The following SGCZ variants were observed in gnomAD, a reference collection of about 807,000 sequenced individuals.
SGCZ encodes the protein sarcoglycan zeta.
In SGCZ, 40 loss-of-function variants were observed where a neutral mutation model predicts 41.3. The ratio of observed to expected loss-of-function variants is 0.97; its 90% CI spans 0.75 to 1.26. The LOEUF (loss-of-function observed/expected upper bound fraction) is 1.26. SGCZ is among the 50% of genes most tolerant of loss of function. SGCZ has a pLI of 0.00. For missense variants in SGCZ, 552 were observed against 369.8 expected, an observed-to-expected ratio of 1.49 and a Z score of -4.04; for synonymous variants, 206 against 137.5, an observed-to-expected ratio of 1.50 and a Z score of -3.49.
intron 2 of SGCZ, among the ~76,000 whole-genome samples, chr8:14,396,135 T>G (rs1012120181): frequency 1.3e-5 from 2 of 152,170 alleles, no homozygotes; most frequent in Non-Finnish European, 2.9e-5. Flanking sequence ...TCATACCTTG[T>G]CAGTATTCTA....
At chr8:14,588,819 T>C (rs952277005) in intron 1 of SGCZ, among the ~76,000 whole-genome samples, 5 of 152,170 alleles carry the variant, frequency 3.3e-5, no homozygotes, top group Admixed American at 3.3e-4. Context: ...TTTAGAATGT[T>C]ATCAATTAAA....
intron 1 of SGCZ, among the ~76,000 whole-genome samples, chr8:14,658,135 C>T (rs538307146): frequency 1.3e-5 from 2 of 152,156 alleles, no homozygotes; most frequent in African/African-American, 4.8e-5. Flanking sequence ...GCCCCACGCT[C>T]CTCCTCTCAG....
At chr8:14,692,050 C>T (rs1007586514) in intron 1 of SGCZ, among the ~76,000 whole-genome samples, 1 of 151,686 alleles carries the variant, frequency 6.6e-6, no homozygotes. Flanking sequence ...TTTTAAATTT[C>T]TCAAGAATGT....
chr8:14,443,182 T>A (rs902274959), intron 2 of SGCZ, among the ~76,000 whole-genome samples: 5 of 152,098 alleles, frequency 3.3e-5, no homozygotes, highest in African/African-American at 4.8e-5. Context: ...AATGGAAGAA[T>A]ATTCCATGCT....
intron 1 of SGCZ, among the ~76,000 whole-genome samples, chr8:14,963,617 G>C (rs1019922324): frequency 1.3e-5 from 2 of 152,164 alleles, no homozygotes; most frequent in East Asian, 3.8e-4. Context: ...CAAAGTGCTA[G>C]GATTACGGGT....
chr8:15,131,942 T>C (rs1267279616), intron 1 of SGCZ, among the ~76,000 whole-genome samples: 2 of 152,216 alleles, frequency 1.3e-5, no homozygotes, highest in South Asian at 2.1e-4. Context: ...GAAATGAATG[T>C]TTGCATGATA....
rs189951348 is a variant in SGCZ at position 15,168,046 on chromosome 8, C to T, written c.39+69539G>A. On this transcript the variant is annotated intron_variant, in intron 1 of 7. Transcript: ENST00000382080. The stretch of plus-strand genomic sequence containing the variant: ...CAGCATAACTATAGCCACCAGCTAT[C>T]TGGGTATGTCACAAGACATCCTTTC... Among the ~76,000 whole-genome samples the T allele has an allele frequency of 5.0e-4, 76 of 152,320 alleles. No individual in the cohort carries two copies. In the East Asian group the frequency reaches 0.014, roughly 28 times the overall value.
intron 2 of SGCZ, among the ~76,000 whole-genome samples, chr8:14,446,136 G>C (rs942781258): frequency 2.6e-5 from 4 of 152,144 alleles, no homozygotes; most frequent in Non-Finnish European, 5.9e-5. Flanking sequence ...GGGAGAAAAA[G>C]CACTCAGGCA....
chr8:15,216,670 T>C (rs1205536695), intron 1 of SGCZ, among the ~76,000 whole-genome samples: 2 of 152,158 alleles, frequency 1.3e-5, no homozygotes, highest in Non-Finnish European at 2.9e-5. Flanking sequence ...GAAAGCATCT[T>C]GTTACTTTAT....
chr8:14,726,729 T>C (rs940889418), intron 1 of SGCZ, among the ~76,000 whole-genome samples: 9 of 152,052 alleles, frequency 5.9e-5, no homozygotes, highest in African/African-American at 2.2e-4. Flanking sequence ...TGAATGAACA[T>C]ACAAACCTGC....
chr8:14,783,423 G>C (rs1171105145), intron 1 of SGCZ, among the ~76,000 whole-genome samples: 2 of 146,234 alleles, frequency 1.4e-5, no homozygotes, highest in African/African-American at 5.1e-5. Context: ...GACAGAAAGA[G>C]ATTTTGTCTC....
chr8:15,059,097 A>C (rs1274036190), intron 1 of SGCZ, among the ~76,000 whole-genome samples: 3 of 152,118 alleles, frequency 2.0e-5, no homozygotes, highest in East Asian at 1.9e-4. Context: ...AAAATGTCTA[A>C]AGTTGTTACG....
At chr8:14,867,984 C>T (rs1001194512) in intron 1 of SGCZ, among the ~76,000 whole-genome samples, 1 of 151,180 alleles carries the variant, frequency 6.6e-6, no homozygotes. Flanking sequence ...TTCTATATAA[C>T]ATGCAAAATT....
intron 1 of SGCZ, among the ~76,000 whole-genome samples, chr8:14,668,339 T>C (rs972870021): frequency 6.6e-6 from 1 of 151,356 alleles, no homozygotes; most frequent in Non-Finnish European, 1.5e-5. Flanking sequence ...CTTGAATATA[T>C]GGTTTTTTCA....
At chr8:14,433,701 C>G (rs1236040111) in intron 2 of SGCZ, among the ~76,000 whole-genome samples, 1 of 152,110 alleles carries the variant, frequency 6.6e-6, no homozygotes, top group Admixed American at 6.5e-5. Context: ...CATAAACACG[C>G]TCTCTGAGGG....
chr8:14,701,528 T>G (rs1370425469), intron 1 of SGCZ, among the ~76,000 whole-genome samples: 1 of 151,976 alleles, frequency 6.6e-6, no homozygotes, highest in African/African-American at 2.4e-5. Flanking sequence ...CAGCAATCAC[T>G]TTAAATTTAA....
At chr8:14,348,090 A>C (rs900972895) in intron 2 of SGCZ, among the ~76,000 whole-genome samples, 2 of 151,944 alleles carry the variant, frequency 1.3e-5, no homozygotes, top group African/African-American at 4.8e-5. Flanking sequence ...CTTCTCCCCA[A>C]CCCAAGGATT....
intron 1 of SGCZ, among the ~76,000 whole-genome samples, chr8:14,826,531 C>A (rs1272034584): frequency 6.6e-6 from 1 of 152,160 alleles, no homozygotes; most frequent in Non-Finnish European, 1.5e-5. Context: ...AATGGTTGAA[C>A]TAGTTTACAG....
At chr8:14,389,977 T>A (rs931831473) in intron 2 of SGCZ, among the ~76,000 whole-genome samples, 10 of 151,936 alleles carry the variant, frequency 6.6e-5, no homozygotes, top group Non-Finnish European at 1.2e-4. Flanking sequence ...AGACGGGGGA[T>A]TTTTGTAAGT....
Sources: gnomAD v4.1 joint callset for allele counts (sites outside exome capture counted in the v4.1 genomes callset) on GRCh38, gnomAD v4.1.1 for gene constraint, MANE v1.5 for transcripts, NCBI Gene and HGNC (gene_info 2026-07-23, HGNC 2026-07-21) for gene names.